CAPN13: variants seen among roughly 807,000 people sequenced by gnomAD.
The protein encoded by CAPN13 is calpain-13.
CAPN13 carries 90 observed loss-of-function variants against 98.4 expected under a neutral mutation model. The ratio of observed to expected loss-of-function variants is 0.92; its 90% CI spans 0.77 to 1.09. The LOEUF (loss-of-function observed/expected upper bound fraction) is 1.09, where lower values mean the gene tolerates loss of function less well. Among genes scored for constraint, CAPN13 ranks in the 50% least tolerant of loss-of-function variants. CAPN13 has a pLI of 0.00. For synonymous variants in CAPN13, 330 were observed against 305.5 expected (o/e 1.08, Z -0.84); for missense variants, 887 against 841.3 (o/e 1.05, Z -0.67).
chr2:30,742,437 G>T (rs905448133), intron 13 of CAPN13, 78 bp from the exon 14 acceptor site: 1 of 1,488,136 alleles, frequency 6.7e-7, no homozygotes, highest in Admixed American at 1.9e-5. Context: ...GGGCACCCAG[G>T]TGGCACTGGA....
chr2:30,745,707 C>T lies in CAPN13; in HGVS notation c.1248+16G>A, dbSNP rs13394144. On this transcript the variant is annotated intron_variant, in intron 12 of 22. Coordinates refer to ENST00000295055, the MANE Select transcript of CAPN13 (RefSeq NM_144575.3). ...CAGCAGCAGAGGCGCAGGGCAAGGA[C>T]GACGCTGAGCCATACCTGTGAGCCA... 171 of 1,596,388 alleles carry T rather than the reference C, an allele frequency of 1.1e-4. No individual in the cohort carries two copies. Among genetic ancestry groups the T allele is most frequent in the African/African-American group, 4.9e-4 (37 of 74,912 alleles).
At chr2:30,725,279 T>C (rs904012328) in intron 22 of CAPN13, among the ~76,000 whole-genome samples, 2 of 152,182 alleles carry the variant, frequency 1.3e-5, no homozygotes, top group African/African-American at 4.8e-5. Flanking sequence ...TTAACATAGG[T>C]ATTGCCTGCA....
At position 30,754,613 on chromosome 2, in the gene CAPN13, G is replaced by C. The variant is rs186214391; in HGVS notation, c.867-249C>G. On this transcript the variant is annotated intron_variant, in intron 8 of 22. Coordinates refer to ENST00000295055, the MANE Select transcript of CAPN13 (RefSeq NM_144575.3). Reference sequence around the variant, plus strand: ...TGTAGTTCACCCCACATTTCCAAGAGAGTCCCATAGTGACCTCAAATCAAC... The same window carrying C: ...TGTAGTTCACCCCACATTTCCAAGACAGTCCCATAGTGACCTCAAATCAAC... Among the ~76,000 whole-genome samples the C allele has an allele frequency of 1.2e-3, 178 of 152,214 alleles. 1 individual carries two copies. The highest frequency in any genetic ancestry group is 1.9e-3 in the Non-Finnish European group (132 of 68,018).
chr2:30,802,255 C>T lies in CAPN13; in HGVS notation c.-33+5047G>A, dbSNP rs768154777. On this transcript the variant is annotated intron_variant, in intron 1 of 22. Coordinates refer to ENST00000295055, the MANE Select transcript of CAPN13 (RefSeq NM_144575.3). ...CCATTCCCTTTTCTGACCAGGTGCT[C>T]GGAGACACACGATGAAGGTCCCCAG... Among the ~76,000 whole-genome samples the T allele has an allele frequency of 2.0e-5, 3 of 152,146 alleles. No homozygotes were observed. The East Asian group carries it at 5.8e-4, about 30-fold the overall frequency.
At chr2:30,794,444 A>G (rs554946770) in intron 1 of CAPN13, among the ~76,000 whole-genome samples, 44 of 152,048 alleles carry the variant, frequency 2.9e-4, no homozygotes, top group African/African-American at 9.9e-4. Context: ...ATACACTCTC[A>G]GTAGATATGT....
intron 4 of CAPN13, among the ~76,000 whole-genome samples, chr2:30,774,630 G>A (rs1047217518): frequency 1.3e-5 from 2 of 152,132 alleles, no homozygotes; most frequent in African/African-American, 4.8e-5. Flanking sequence ...TAAAAGACCT[G>A]TTGGATAGCT....
intron 2 of CAPN13, among the ~76,000 whole-genome samples, chr2:30,782,388 A>G (rs747292517): frequency 6.6e-6 from 1 of 152,142 alleles, no homozygotes; most frequent in Non-Finnish European, 1.5e-5. Flanking sequence ...GAGGACTTAG[A>G]TTTATTGGCA....
intron 22 of CAPN13, among the ~76,000 whole-genome samples, chr2:30,728,968 G>A (rs1227423524): frequency 2.0e-5 from 3 of 152,260 alleles, no homozygotes; most frequent in East Asian, 3.9e-4. Flanking sequence ...TAGCTGGAAG[G>A]GGTAGGAGAT....
At chr2:30,741,711 C>A in intron 15 of CAPN13, 197 bp downstream of exon 15, 1 of 1,431,818 alleles carries the variant, frequency 7.0e-7, no homozygotes, top group Non-Finnish European at 9.1e-7. Context: ...CCGGATGACA[C>A]TGGGTGGGGC....
In CAPN13 at chr2:30,732,591, G is replaced by A. The variant is rs773215533; in HGVS notation, c.1799-25C>T. ...TCTGGGGCCACAGGTGAACGAGTGA[G>A]TGAGAGGAGGCTAGGGCTCGGGGGT... On this transcript the variant is annotated intron_variant, in intron 19 of 22. Transcript: ENST00000295055. 10 of 1,597,882 alleles carry A rather than the reference G, an allele frequency of 6.3e-6. No homozygotes were observed. In the East Asian group the frequency reaches 2.0e-4, roughly 32 times the overall value.
intron 5 of CAPN13, among the ~76,000 whole-genome samples, chr2:30,766,360 G>C (rs183217719): frequency 6.6e-6 from 1 of 152,184 alleles, no homozygotes; most frequent in Non-Finnish European, 1.5e-5. Context: ...TGCCACTCAC[G>C]GCTAGAGCCC....
At chr2:30,767,389 A>C (rs1673165837) in intron 5 of CAPN13, among the ~76,000 whole-genome samples, 1 of 152,200 alleles carries the variant, frequency 6.6e-6, no homozygotes, top group African/African-American at 2.4e-5. Context: ...TGCCAGGTCC[A>C]CGTTCCTATT....
chr2:30,757,906 G>A (rs866686827), intron 8 of CAPN13, 140 bp downstream of exon 8: 52 of 606,776 alleles, frequency 8.6e-5, no homozygotes, highest in Middle Eastern at 8.7e-4. Context: ...GAGATGGACC[G>A]ATAGCCACGT....
chr2:30,742,196 C>T (rs1283148911), intron 14 of CAPN13, 130 bp downstream of exon 14: 2 of 1,209,234 alleles, frequency 1.7e-6, no homozygotes, highest in Non-Finnish European at 1.2e-6. Context: ...TTTGAGCCTT[C>T]ATCGGCCTAT....
intron 9 of CAPN13, 102 bp from the exon 10 acceptor site, chr2:30,753,300 A>G: frequency 8.1e-7 from 1 of 1,229,770 alleles, no homozygotes; most frequent in Admixed American, 1.9e-5. Context: ...CCCAGAGGCC[A>G]GTGTCTGATC....
intron 15 of CAPN13, among the ~76,000 whole-genome samples, chr2:30,739,764 C>T (rs769824287): frequency 1.3e-5 from 2 of 152,206 alleles, no homozygotes; most frequent in African/African-American, 4.8e-5. Flanking sequence ...TCCTGCACTT[C>T]ATAACCAACC....
intron 4 of CAPN13, among the ~76,000 whole-genome samples, chr2:30,774,454 A>C (rs1325371297): frequency 6.6e-6 from 1 of 152,184 alleles, no homozygotes; most frequent in African/African-American, 2.4e-5. Flanking sequence ...GAAAAGTAAA[A>C]ATACAGCACA....
At chr2:30,745,608 C>A in intron 12 of CAPN13, 115 bp downstream of exon 12, 1 of 1,017,034 alleles carries the variant, frequency 9.8e-7, no homozygotes, top group Non-Finnish European at 1.5e-6. Context: ...TAAGACTTAG[C>A]GAGACTGAAT....
In CAPN13 at chr2:30,764,203, CAG is replaced by C. The variant is rs757286863; in HGVS notation, c.626_627del (p.Pro209ArgfsTer48). 6.2e-7 allele frequency: 1 copy of C among 1,610,412 alleles called. No individual in the cohort carries two copies. The highest frequency in any genetic ancestry group is 8.5e-7 in the Non-Finnish European group (1 of 1,178,392). On this transcript the variant is annotated frameshift_variant, in exon 6 of 23. Coordinates refer to ENST00000295055, the MANE Select transcript of CAPN13 (RefSeq NM_144575.3). LOFTEE classifies it high-confidence loss of function. ...GTCTTCACTGCCTTCACCAGGTCCA[CAG>C]GGGAAGAGTGCAGATGGATGTTGGT... The part of the protein sequence containing the change: ...VITNIHLHSS[P>X]VDLVKAVKTA...
Sources: allele counts gnomAD v4.1 joint callset (sites outside exome capture counted in the v4.1 genomes callset), GRCh38; gene constraint gnomAD v4.1.1; transcripts MANE v1.5; gene names NCBI Gene and HGNC (gene_info 2026-07-23, HGNC 2026-07-21).